SSH2: variants seen among roughly 807,000 people sequenced by gnomAD.
SSH2 encodes slingshot protein phosphatase 2.
A neutral mutation model predicts 135.2 loss-of-function variants in SSH2; 37 were observed. That is an observed-to-expected ratio of 0.27 (90% CI 0.21 to 0.36). The LOEUF is 0.36. Ranked by LOEUF, SSH2 falls within the 10% of genes least tolerant of loss-of-function variation. The pLI is 1.00. For missense variants in SSH2, 1,408 were observed against 1,765.3 expected (o/e 0.80, Z 3.63); for synonymous variants, 628 against 646.2 (o/e 0.97, Z 0.43).
intron 2 of SSH2, among the ~76,000 whole-genome samples, chr17:29,846,935 A>G (rs2151384732): frequency 6.6e-6 from 1 of 152,372 alleles, no homozygotes; most frequent in South Asian, 2.1e-4. Context: ...GATCAAGTCA[A>G]GTAAAATTAT....
At chr17:29,831,776 C>T (rs147319384) in intron 2 of SSH2, among the ~76,000 whole-genome samples, 94 of 151,158 alleles carry the variant, frequency 6.2e-4, no homozygotes, top group African/African-American at 9.9e-4. Flanking sequence ...GACGGGGTTT[C>T]GCCATGTTGG....
intron 1 of SSH2, among the ~76,000 whole-genome samples, chr17:29,905,068 C>G (rs2066628463): frequency 6.6e-6 from 1 of 152,122 alleles, no homozygotes; most frequent in African/African-American, 2.4e-5. Context: ...GGCCATATTA[C>G]TTAAAGTAAT....
chr17:29,720,170 G>T (rs1443316988), intron 3 of SSH2, among the ~76,000 whole-genome samples: 1 of 152,140 alleles, frequency 6.6e-6, no homozygotes, highest in Non-Finnish European at 1.5e-5. Context: ...CAGTCCCATT[G>T]TAGTGTTATC....
chr17:29,771,902 A>G (rs2041594285), intron 3 of SSH2, among the ~76,000 whole-genome samples: 1 of 152,214 alleles, frequency 6.6e-6, no homozygotes, highest in South Asian at 2.1e-4. Context: ...GTGAACATGC[A>G]AAATCAGACA....
chr17:29,651,615 G>T (rs2036580781), intron 12 of SSH2, among the ~76,000 whole-genome samples: 1 of 152,172 alleles, frequency 6.6e-6, no homozygotes, highest in South Asian at 2.1e-4. Flanking sequence ...CAACAATACA[G>T]CATGGACTCA....
chr17:29,761,143 G>A (rs142973370), intron 3 of SSH2: 7 of 1,288,806 alleles, frequency 5.4e-6, no homozygotes, highest in East Asian at 1.1e-4. Context: ...GCGCGCGGCG[G>A]ACTCACAGCT....
Position 29,666,854 on chromosome 17 carries a change from C to CT in SSH2, c.1032+12dup, listed in dbSNP as rs1165919091. 6.2e-7 allele frequency: 1 copy of CT among 1,613,924 alleles called. No individual in the cohort carries two copies. Among genetic ancestry groups the CT allele is most frequent in the East Asian group, 2.2e-5 (1 of 44,888 alleles). ...AGCGTTAGCACACCACTTAAAGTGG[C>CT]TTTAAAACTTACCAGGAACACATGC... On this transcript the variant is annotated intron_variant, in intron 11 of 15. Transcript: ENST00000540801.
At chr17:29,701,510 A>G (rs2038982029) in intron 4 of SSH2, among the ~76,000 whole-genome samples, 1 of 149,952 alleles carries the variant, frequency 6.7e-6, no homozygotes, top group Non-Finnish European at 1.5e-5. Flanking sequence ...CCCAGGCTCA[A>G]GTGACCCTCC....
chr17:29,646,628 T>C (rs1290615443), intron 14 of SSH2, among the ~76,000 whole-genome samples: 1 of 151,978 alleles, frequency 6.6e-6, no homozygotes, highest in African/African-American at 2.4e-5. Context: ...GCCTCCCGAA[T>C]AGCTGGGACT....
chr17:29,819,282 TA>T (rs750588848), intron 2 of SSH2, among the ~76,000 whole-genome samples: 2 of 152,114 alleles, frequency 1.3e-5, no homozygotes, highest in African/African-American at 2.4e-5. Flanking sequence ...CTGGGGTCAG[TA>T]AACACTTTCC....
At chr17:29,909,216 G>C (rs568595823) in intron 1 of SSH2, among the ~76,000 whole-genome samples, 2 of 152,268 alleles carry the variant, frequency 1.3e-5, no homozygotes, top group Admixed American at 6.5e-5. Context: ...AATCTCTAAA[G>C]ATATATAACT....
chr17:29,632,407 A>T lies in SSH2; in HGVS notation c.2787T>A (p.Asp929Glu), dbSNP rs764800523. The change falls in exon 16 of 16, where the codon GAT becomes GAA. Residue 929 changes from aspartate (D) to glutamate (E), a missense_variant. Physicochemically the swap from Asp to Glu is conservative, Grantham distance 45 (BLOSUM62 2). This residue lies in a region of SSH2 where 1,080 missense variants were observed against 1,144.5 expected (regional missense o/e 0.94). Coordinates refer to ENST00000540801, the MANE Select transcript of SSH2 (RefSeq NM_001282129.2). ...TTGGTGCTAGGTCTGCCACAGAAGA[A>T]TCATTCTTTGAATTCTTACGAGTGG... ...SLSTRKNSKN[D>E]SSVADLAPKG... 6.2e-7 allele frequency: 1 copy of T among 1,614,170 alleles called. No individual in the cohort carries two copies. Among genetic ancestry groups the T allele is most frequent in the Admixed American group, 1.7e-5 (1 of 60,026 alleles).
At chr17:29,743,906 CCTTTTTTTTTTTTT>C (rs1479234164) in intron 3 of SSH2, among the ~76,000 whole-genome samples, 1 of 107,534 alleles carries the variant, frequency 9.3e-6, no homozygotes, top group African/African-American at 4.6e-5. Flanking sequence ...TTTCTTTTTT[CCTTTTTTTTTTTTT>C]TTTTTTTTTT....
chr17:29,906,971 A>C (rs2066665022), intron 1 of SSH2, among the ~76,000 whole-genome samples: 1 of 152,212 alleles, frequency 6.6e-6, no homozygotes, highest in Non-Finnish European at 1.5e-5. Flanking sequence ...TCAAAGACTT[A>C]GAGGCAGAAA....
Position 29,631,955 on chromosome 17 carries a change from A to G in SSH2, c.3239T>C (p.Leu1080Pro). The G allele has an allele frequency of 6.2e-7, 1 of 1,614,204 alleles. No individual in the cohort carries two copies. Among genetic ancestry groups the G allele is most frequent in the South Asian group, 1.1e-5 (1 of 91,088 alleles). ...KVNMEKSVTV[L>P]CTLDENLNRT... ...GTTTAGATTTTCATCCAGTGTGCAGAGCACAGTGACAGATTTTTCCATGTT... is the reference window on the plus strand; with the variant it reads ...GTTTAGATTTTCATCCAGTGTGCAGGGCACAGTGACAGATTTTTCCATGTT... Residue 1080 changes from leucine to proline, a missense_variant, in exon 16 of 16, where the codon CTC becomes CCC. Coordinates refer to ENST00000540801, the MANE Select transcript of SSH2 (RefSeq NM_001282129.2).
chr17:29,828,033 A>G (rs1249526284), intron 2 of SSH2, among the ~76,000 whole-genome samples: 1 of 152,184 alleles, frequency 6.6e-6, no homozygotes, highest in Non-Finnish European at 1.5e-5. Flanking sequence ...TTCTTCACTT[A>G]GAGAACTAAG....
chr17:29,757,240 C>A (rs1290313626), intron 3 of SSH2, among the ~76,000 whole-genome samples: 1 of 152,150 alleles, frequency 6.6e-6, no homozygotes, highest in Non-Finnish European at 1.5e-5. Context: ...TAACACTTCC[C>A]TTTAGGAAAG....
intron 15 of SSH2, among the ~76,000 whole-genome samples, chr17:29,635,435 T>C (rs578129396): frequency 3.9e-5 from 6 of 152,018 alleles, no homozygotes; most frequent in South Asian, 4.2e-4. Flanking sequence ...ACAAGAGTCT[T>C]GCTCTGTCGC....
Position 29,684,975 on chromosome 17 carries a change from G to A in SSH2, c.358-291C>T, listed in dbSNP as rs149271463. Reference sequence around the variant, plus strand: ...GCACACAGTAAATGCTCAATAAGATGTTTGTTATTAGTGCAATTTATACTA... The same window carrying A: ...GCACACAGTAAATGCTCAATAAGATATTTGTTATTAGTGCAATTTATACTA... On this transcript the variant is annotated intron_variant, in intron 5 of 15. Coordinates refer to ENST00000540801, the MANE Select transcript of SSH2 (RefSeq NM_001282129.2). Among the ~76,000 whole-genome samples the A allele has an allele frequency of 3.2e-3, 481 of 152,280 alleles. 4 individuals carry two copies. Among genetic ancestry groups the A allele is most frequent in the African/African-American group, 0.011 (462 of 41,570 alleles).
Sources: allele counts gnomAD v4.1 joint callset (sites outside exome capture counted in the v4.1 genomes callset), GRCh38; gene constraint gnomAD v4.1.1; regional missense constraint gnomAD v4.1.1; transcripts MANE v1.5; gene names NCBI Gene and HGNC (gene_info 2026-07-23, HGNC 2026-07-21).